Variants in PPP2R2A observed in about 807,000 individuals in gnomAD.
PPP2R2A encodes serine/threonine-protein phosphatase 2A 55 kDa regulatory subunit B alpha isoform.
In PPP2R2A, 9 loss-of-function variants were observed where a neutral mutation model predicts 53.2. The ratio of observed to expected loss-of-function variants is 0.17; its 90% CI spans 0.10 to 0.30. The LOEUF (loss-of-function observed/expected upper bound fraction) is 0.30. Ranked by LOEUF, PPP2R2A falls within the 10% of genes least tolerant of loss-of-function variation. The pLI is 1.00. For synonymous variants in PPP2R2A, 169 were observed against 174.2 expected (o/e 0.97, Z 0.23); for missense variants, 235 against 534.6 (o/e 0.44, Z 5.53).
At chr8:26,343,504 T>C (rs1238518629) in intron 3 of PPP2R2A, among the ~76,000 whole-genome samples, 2 of 151,724 alleles carry the variant, frequency 1.3e-5, no homozygotes, top group African/African-American at 2.4e-5. Context: ...CCTGAGTAGC[T>C]GGGACTACAG....
Position 26,291,842 on chromosome 8 carries a change from C to T in PPP2R2A, c.7+16C>T, listed in dbSNP as rs200379881. ...AACATGGCAGGTAAAGGAGAAATCCCCCTCGCCCCCTGACAAGGCACCGCT... is the reference window on the plus strand; with the variant it reads ...AACATGGCAGGTAAAGGAGAAATCCTCCTCGCCCCCTGACAAGGCACCGCT... On this transcript the variant is annotated intron_variant, in intron 1 of 9. Transcript: ENST00000380737. The T allele has an allele frequency of 2.5e-6, 4 of 1,608,634 alleles. No individual in the cohort carries two copies. The highest frequency in any genetic ancestry group is 1.3e-5 in the African/African-American group (1 of 74,570).
In PPP2R2A at chr8:26,370,071, A is replaced by ATTT; in HGVS notation, c.1065-61_1065-59dup. 6.5e-7 allele frequency: 1 copy of ATTT among 1,530,830 alleles called. No individual in the cohort carries two copies. Among genetic ancestry groups the ATTT allele is most frequent in the Non-Finnish European group, 8.9e-7 (1 of 1,120,550 alleles). The allele number at this position is 1,530,830 out of a possible 1,614,324, so 94.8% of individuals were successfully genotyped here. ...CTTCCTATGGTTTAATTGCCGAATC[A>ATTT]TTTTACTTGAAAACAATTTCTTGTT... On this transcript the variant is annotated intron_variant, in intron 9 of 9. Coordinates refer to ENST00000380737, the MANE Select transcript of PPP2R2A (RefSeq NM_002717.4). This position sits in a 1 kb window ranked among gnomAD's most constrained non-coding sequence, Gnocchi z 6.1.
chr8:26,358,201 C>T (rs1443258875), intron 4 of PPP2R2A, among the ~76,000 whole-genome samples: 2 of 150,238 alleles, frequency 1.3e-5, no homozygotes, highest in African/African-American at 2.4e-5. Context: ...AATTTTATCT[C>T]ATCTGAAAGT....
chr8:26,333,540 C>A (rs1423449398), intron 2 of PPP2R2A: 1 of 1,197,816 alleles, frequency 8.3e-7, no homozygotes, highest in Middle Eastern at 2.3e-4. Flanking sequence ...AAGAGTGACT[C>A]CATAAAGTGC....
At chr8:26,369,453 C>T (rs1301091170) in intron 9 of PPP2R2A, among the ~76,000 whole-genome samples, 6 of 151,816 alleles carry the variant, frequency 4.0e-5, no homozygotes, top group African/African-American at 9.7e-5. Context: ...TGCAGTGGCA[C>T]GACCTTGGCT....
intron 1 of PPP2R2A, 74 bp downstream of exon 1, chr8:26,291,900 C>T: frequency 6.3e-7 from 1 of 1,583,858 alleles, no homozygotes; most frequent in Admixed American, 1.8e-5. Context: ...CCCCTAGCGA[C>T]CGCCCGCGCC....
intron 4 of PPP2R2A, among the ~76,000 whole-genome samples, chr8:26,357,881 A>G (rs2117393034): frequency 6.6e-6 from 1 of 152,166 alleles, no homozygotes; most frequent in South Asian, 2.1e-4. Context: ...GAATCTAATA[A>G]CGTCTCCACT....
intron 2 of PPP2R2A, among the ~76,000 whole-genome samples, chr8:26,316,806 T>G (rs1450110113): frequency 6.6e-6 from 1 of 152,234 alleles, no homozygotes; most frequent in Non-Finnish European, 1.5e-5. Context: ...ATCGCATTCA[T>G]GAGGGCTCCA....
chr8:26,317,925 T>C (rs925397883), intron 2 of PPP2R2A, among the ~76,000 whole-genome samples: 6 of 152,226 alleles, frequency 3.9e-5, no homozygotes, highest in African/African-American at 1.4e-4. Context: ...GTGTTCTATC[T>C]AGCCCATGGG....
chr8:26,329,753 C>T (rs1803274725), intron 2 of PPP2R2A, among the ~76,000 whole-genome samples: 1 of 152,116 alleles, frequency 6.6e-6, no homozygotes, highest in African/African-American at 2.4e-5. Context: ...AGGGTTTTTT[C>T]AGGGGATAGA....
At chr8:26,333,469 T>G in intron 2 of PPP2R2A, 2 of 1,185,112 alleles carry the variant, frequency 1.7e-6, no homozygotes, top group Non-Finnish European at 2.2e-6. Context: ...CTTTGCACTT[T>G]GATTAATTTC....
intron 1 of PPP2R2A, chr8:26,293,153 TG>T (rs1425081188): frequency 1.2e-5 from 16 of 1,288,446 alleles, no homozygotes; most frequent in Non-Finnish European, 1.7e-5. Flanking sequence ...AGTGATTTGC[TG>T]GTAATGAATG....
At chr8:26,334,811 G>A (rs7843655) in intron 2 of PPP2R2A, among the ~76,000 whole-genome samples, 2,844 of 152,240 alleles carry the variant, frequency 0.019, 88 homozygotes, top group African/African-American at 0.066. Context: ...GACCTGTGCT[G>A]TCCAGTCTGG....
At chr8:26,340,061 G>T (rs1344622557) in intron 3 of PPP2R2A, 2 of 151,666 alleles carry the variant, frequency 1.3e-5, no homozygotes, top group African/African-American at 4.8e-5. Flanking sequence ...TATTTTTTTC[G>T]TTTGGAAGAA....
chr8:26,316,391 C>A (rs1802557794), intron 2 of PPP2R2A, among the ~76,000 whole-genome samples: 1 of 152,158 alleles, frequency 6.6e-6, no homozygotes, highest in Non-Finnish European at 1.5e-5. Context: ...GTCTAAGATA[C>A]TAACCTGCAT....
At chr8:26,332,089 C>T (rs1297585024) in intron 2 of PPP2R2A, among the ~76,000 whole-genome samples, 4 of 152,126 alleles carry the variant, frequency 2.6e-5, no homozygotes, top group Admixed American at 2.6e-4. Flanking sequence ...GACGCAGTGG[C>T]TCACGCCTGT....
At chr8:26,322,012 T>G (rs1802865289) in intron 2 of PPP2R2A, among the ~76,000 whole-genome samples, 1 of 152,216 alleles carries the variant, frequency 6.6e-6, no homozygotes, top group African/African-American at 2.4e-5. Context: ...CAGAGAATGA[T>G]AGACACATCC....
At chr8:26,335,168 C>T (rs1803590889) in intron 2 of PPP2R2A, among the ~76,000 whole-genome samples, 1 of 152,204 alleles carries the variant, frequency 6.6e-6, no homozygotes, top group African/African-American at 2.4e-5. Flanking sequence ...CTCCCTATAA[C>T]TCATTCCTGG....
chr8:26,359,705 C>A (rs1804980991), intron 4 of PPP2R2A, among the ~76,000 whole-genome samples: 2 of 152,108 alleles, frequency 1.3e-5, no homozygotes, highest in Non-Finnish European at 2.9e-5. Context: ...TTGATAGGCT[C>A]TGCTAAGAAG....
Sources: allele counts gnomAD v4.1 joint callset (sites outside exome capture counted in the v4.1 genomes callset), GRCh38; gene constraint gnomAD v4.1.1; non-coding constraint Gnocchi (gnomAD v3.1); transcripts MANE v1.5; gene names NCBI Gene and HGNC (gene_info 2026-07-23, HGNC 2026-07-21).